The following EP300 variants were observed in gnomAD, a reference collection of about 807,000 sequenced individuals.
EP300 encodes the protein EP300 lysine acetyltransferase.
A neutral mutation model predicts 264.0 loss-of-function variants in EP300; 31 were observed. The ratio of observed to expected loss-of-function variants is 0.12; its 90% CI spans 0.09 to 0.16. The LOEUF (loss-of-function observed/expected upper bound fraction) is 0.16. Among genes scored for constraint, EP300 ranks in the 10% least tolerant of loss-of-function variants. EP300 has a pLI of 1.00. For missense variants in EP300, 2,766 were observed against 3,052.9 expected (o/e 0.91, Z 2.21); for synonymous variants, 1,340 against 1,045.4 (o/e 1.28, Z -5.44).
At chr22:41,163,704 G>A (rs574390379) in intron 21 of EP300, among the ~76,000 whole-genome samples, 16 of 152,030 alleles carry the variant, frequency 1.1e-4, no homozygotes, top group East Asian at 9.7e-4. Context: ...CTGATATGAC[G>A]CCACTGCACT....
Position 41,177,144 on chromosome 22 carries a change from G to C in EP300, c.5433G>C (p.Gln1811His), listed in dbSNP as rs2145515856. Residue 1811 changes from glutamine to histidine, a missense_variant, in exon 31 of 31, where the codon CAG becomes CAC. Physicochemically the swap from Gln to His is conservative, Grantham distance 24 (BLOSUM62 0). Coordinates refer to ENST00000263253, the MANE Select transcript of EP300 (RefSeq NM_001429.4). ...TGCCGTTCTGCCTAAACATCAAGCA[G>C]AAGCTCCGGCAGCAACAGCTGCAGC... Reference protein sequence around the residue: ...CPVPFCLNIKQKLRQQQLQHR... With the variant: ...CPVPFCLNIKHKLRQQQLQHR... 6.2e-7 allele frequency: 1 copy of C among 1,614,072 alleles called. No homozygotes were observed. The highest frequency in any genetic ancestry group is 8.5e-7 in the Non-Finnish European group (1 of 1,180,014).
chr22:41,135,397 T>C (rs1442500126), intron 6 of EP300, among the ~76,000 whole-genome samples: 2 of 152,186 alleles, frequency 1.3e-5, no homozygotes, highest in African/African-American at 4.8e-5. Context: ...TTTATATATA[T>C]GCACAATTAT....
At chr22:41,116,561 A>G (rs1321735100) in intron 1 of EP300, among the ~76,000 whole-genome samples, 1 of 152,150 alleles carries the variant, frequency 6.6e-6, no homozygotes, top group Non-Finnish European at 1.5e-5. Context: ...ATGGCTGCAT[A>G]GTATTCCATG....
chr22:41,139,962 G>A (rs1348424534), intron 8 of EP300, among the ~76,000 whole-genome samples, 178 bp from the exon 9 acceptor site: 1 of 151,964 alleles, frequency 6.6e-6, no homozygotes, highest in Non-Finnish European at 1.5e-5. Context: ...TATTGTGAAC[G>A]GAAATATAGA....
intron 1 of EP300, among the ~76,000 whole-genome samples, chr22:41,109,003 G>A (rs534186049): frequency 6.6e-6 from 1 of 152,280 alleles, no homozygotes; most frequent in African/African-American, 2.4e-5. Context: ...CAGCGCCGTG[G>A]CACACATATG....
At chr22:41,172,810 A>G in intron 28 of EP300, 147 bp downstream of exon 28, 2 of 866,182 alleles carry the variant, frequency 2.3e-6, no homozygotes, top group South Asian at 1.6e-5. Context: ...TAGAGAGGTT[A>G]TTAGGGTTCT....
chr22:41,140,224 T>A lies in EP300; in HGVS notation c.1845T>A (p.Val615=). 2 of 1,613,622 alleles carry A rather than the reference T, an allele frequency of 1.2e-6. No individual in the cohort carries two copies. The highest frequency in any genetic ancestry group is 1.7e-6 in the Non-Finnish European group (2 of 1,179,516). The part of the protein sequence containing the change: ...MENLVAYARK[V]EGDMYESANN... Reference sequence around the variant, plus strand: ...ACCTAGTTGCATATGCTCGGAAAGTTGAAGGGGACATGTATGAATCTGCAA... The same window carrying A: ...ACCTAGTTGCATATGCTCGGAAAGTAGAAGGGGACATGTATGAATCTGCAA... The change falls in exon 9 of 31, where the codon GTT becomes GTA. Residue 615 remains valine (V), a synonymous_variant. Transcript: ENST00000263253.
chr22:41,168,646 TCATA>T lies in EP300; in HGVS notation c.4025+51_4025+54del, dbSNP rs551534708. 8.7e-6 allele frequency: 14 copies of T among 1,614,220 alleles called. No homozygotes were observed. The South Asian group carries it at 1.4e-4, about 16-fold the overall frequency. ...CTTCTCCTCGTGGATCCAAAATTGC[TCATA>T]CATGGTTACTATTGGTGATTCCAGT... On this transcript the variant is annotated intron_variant, in intron 24 of 30. Transcript: ENST00000263253.
intron 6 of EP300, among the ~76,000 whole-genome samples, chr22:41,134,520 A>C (rs1569099618): frequency 6.6e-6 from 1 of 151,936 alleles, no homozygotes; most frequent in Non-Finnish European, 1.5e-5. Flanking sequence ...TCAGCCTCCC[A>C]AGTAGCTGGG....
At chr22:41,093,424 C>T (rs1434763848) in intron 1 of EP300, among the ~76,000 whole-genome samples, 1 of 152,174 alleles carries the variant, frequency 6.6e-6, no homozygotes, top group Non-Finnish European at 1.5e-5. Flanking sequence ...GTAAGAGCTC[C>T]TATGCAATTT....
chr22:41,162,665 G>T, intron 20 of EP300, 58 bp from the exon 21 acceptor site: 1 of 1,356,022 alleles, frequency 7.4e-7, no homozygotes, highest in Non-Finnish European at 1.1e-6. Flanking sequence ...GGTTAGAACA[G>T]CAGTCAGATT....
chr22:41,167,921 A>G (rs959240015), intron 23 of EP300, among the ~76,000 whole-genome samples: 2 of 133,002 alleles, frequency 1.5e-5, no homozygotes, highest in African/African-American at 5.8e-5. Flanking sequence ...TCCCGGGTTC[A>G]AGCGATTCTC....
At chr22:41,169,105 T>C in intron 25 of EP300, 2 of 609,164 alleles carry the variant, frequency 3.3e-6, no homozygotes, top group South Asian at 1.9e-5. Flanking sequence ...CAACCTGAAA[T>C]TGGAATTTGA....
rs183312181 is a variant in EP300 at position 41,152,119 on chromosome 22, T to C, written c.2998-87T>C. ...ATTTTGATAATTAGATCTCATGGCA[T>C]AGATTTTGCATGAGAAAGGGTGTTC... On this transcript the variant is annotated intron_variant, in intron 15 of 30. Coordinates refer to ENST00000263253, the MANE Select transcript of EP300 (RefSeq NM_001429.4). The C allele has an allele frequency of 1.8e-5, 29 of 1,580,814 alleles. No individual in the cohort carries two copies. In the African/African-American group the frequency reaches 3.5e-4, roughly 19 times the overall value.
chr22:41,168,694 G>T (rs1205420456), intron 24 of EP300, 27 bp from the exon 25 acceptor site: 4 of 1,614,090 alleles, frequency 2.5e-6, no homozygotes, highest in Non-Finnish European at 3.4e-6. Context: ...GTTATGTTGT[G>T]GTTCCCCCAC....
At chr22:41,099,624 C>T (rs2058720317) in intron 1 of EP300, among the ~76,000 whole-genome samples, 1 of 152,164 alleles carries the variant, frequency 6.6e-6, no homozygotes, top group Non-Finnish European at 1.5e-5. Flanking sequence ...GTAACCTCCG[C>T]ATACAATTTT....
At chr22:41,169,396 G>C in intron 25 of EP300, 107 bp from the exon 26 acceptor site, 1 of 762,156 alleles carries the variant, frequency 1.3e-6, no homozygotes. Flanking sequence ...AACGATGTGA[G>C]CAAAGAGCCT....
chr22:41,126,329 G>A (rs999392965), intron 3 of EP300: 5 of 360,950 alleles, frequency 1.4e-5, no homozygotes, highest in African/African-American at 6.2e-5. Context: ...TCTTGTGAGC[G>A]TTTCCATACG....
At position 41,177,933 on chromosome 22, in the gene EP300, T is replaced by C; in HGVS notation, c.6222T>C (p.Leu2074=). The change falls in exon 31 of 31, where the codon CTT becomes CTC. Residue 2074 remains leucine, a synonymous_variant. Transcript: ENST00000263253. ...AGCAGCAACAGGTGCTTAGTATCCTTCACGCCAACCCCCAGCTGTTGGCTG... is the reference window on the plus strand; with the variant it reads ...AGCAGCAACAGGTGCTTAGTATCCTCCACGCCAACCCCCAGCTGTTGGCTG... The part of the protein sequence containing the change: ...PLQQQQVLSI[L]HANPQLLAAF... 6.2e-7 allele frequency: 1 copy of C among 1,614,010 alleles called. No individual in the cohort carries two copies. Among genetic ancestry groups the C allele is most frequent in the East Asian group, 2.2e-5 (1 of 44,876 alleles).
Sources: gnomAD v4.1 joint callset for allele counts (sites outside exome capture counted in the v4.1 genomes callset) on GRCh38, gnomAD v4.1.1 for gene constraint, MANE v1.5 for transcripts, NCBI Gene and HGNC (gene_info 2026-07-23, HGNC 2026-07-21) for gene names.